The following MEI4 variants were observed in gnomAD, a reference collection of about 807,000 sequenced individuals.
MEI4 encodes meiosis-specific protein MEI4.
A neutral mutation model predicts 31.4 loss-of-function variants in MEI4; 27 were observed. The ratio of observed to expected loss-of-function variants is 0.86; its 90% CI spans 0.63 to 1.19. The LOEUF (loss-of-function observed/expected upper bound fraction) is 1.19. Ranked by LOEUF, MEI4 falls within the 50% of genes most tolerant of loss-of-function variation. MEI4 has a pLI of 0.00. For missense variants in MEI4, 329 were observed against 398.9 expected (o/e 0.82, Z 1.49); for synonymous variants, 122 against 145.4 (o/e 0.84, Z 1.16).
chr6:77,909,253 A>G (rs1257681153), intron 4 of MEI4, among the ~76,000 whole-genome samples: 1 of 152,178 alleles, frequency 6.6e-6, no homozygotes, highest in African/African-American at 2.4e-5. Flanking sequence ...CTTCAAAAAA[A>G]TCAGTGAATC....
At chr6:77,824,561 A>C (rs2127709788) in intron 3 of MEI4, among the ~76,000 whole-genome samples, 1 of 152,136 alleles carries the variant, frequency 6.6e-6, no homozygotes, top group South Asian at 2.1e-4. Flanking sequence ...ATTGTCTTAT[A>C]TTGATATTAT....
intron 1 of MEI4, among the ~76,000 whole-genome samples, chr6:77,677,719 A>G (rs1022474752): frequency 2.0e-5 from 3 of 152,182 alleles, no homozygotes; most frequent in African/African-American, 7.2e-5. Context: ...CCGTGAGCCT[A>G]TATATCTGTA....
chr6:77,799,718 C>T (rs376056931), intron 3 of MEI4, among the ~76,000 whole-genome samples: 7 of 152,132 alleles, frequency 4.6e-5, no homozygotes, highest in South Asian at 2.1e-4. Context: ...ATATGGCTAG[C>T]CAGTTTTCCC....
chr6:77,842,681 T>C (rs1441022659), intron 4 of MEI4, among the ~76,000 whole-genome samples: 2 of 152,080 alleles, frequency 1.3e-5, no homozygotes, highest in Non-Finnish European at 2.9e-5. Flanking sequence ...AGCATTCTTT[T>C]CCCACAGTAC....
Position 77,796,746 on chromosome 6 carries a change from TG to T in MEI4, c.769-32184del, listed in dbSNP as rs538767303. 5.4e-3 allele frequency among the ~76,000 whole-genome samples: 829 copies of T among 152,322 alleles called. 5 individuals carry two copies. The highest frequency in any genetic ancestry group is 0.019 in the African/African-American group (784 of 41,572). On this transcript the variant is annotated intron_variant, in intron 3 of 4. Transcript: ENST00000684080. ...CCCTAGTTTATGAATTGCAATAATT[TG>T]TATTGTCCATACCACCCAAAGTGAG...
chr6:77,766,648 G>A (rs145255577), intron 3 of MEI4, among the ~76,000 whole-genome samples: 2,180 of 152,112 alleles, frequency 0.014, 52 homozygotes, highest in African/African-American at 0.049. Flanking sequence ...TCCTGACCTC[G>A]TGATCCGCCC....
intron 2 of MEI4, among the ~76,000 whole-genome samples, chr6:77,743,033 A>G (rs532124082): frequency 2.6e-5 from 4 of 152,142 alleles, no homozygotes; most frequent in East Asian, 1.9e-4. Context: ...GCCTTATAGT[A>G]TAGTTTGAAG....
intron 4 of MEI4, among the ~76,000 whole-genome samples, chr6:77,873,219 A>G (rs1771243100): frequency 6.6e-6 from 1 of 152,208 alleles, no homozygotes; most frequent in South Asian, 2.1e-4. Context: ...AGTCCCACCA[A>G]CAGTGTAAAA....
At chr6:77,886,395 G>A (rs1476362766) in intron 4 of MEI4, among the ~76,000 whole-genome samples, 2 of 151,080 alleles carry the variant, frequency 1.3e-5, no homozygotes, top group East Asian at 1.9e-4. Flanking sequence ...GGTTGTACGT[G>A]TCCAAGAATT....
chr6:77,761,313 C>G lies in MEI4; in HGVS notation c.416C>G (p.Pro139Arg). ...HFPPLPLVKRPCAILQNPLSS... is the reference protein window; with the variant it reads ...HFPPLPLVKRRCAILQNPLSS... ...CCACCACTGCCTCTTGTGAAAAGAC[C>G]TTGTGCTATCCTGCAAAATCCTTTG... The change falls in exon 3 of 5, where the codon CCT (proline) becomes CGT (arginine). Residue 139 changes from proline to arginine, a missense_variant. By Grantham distance (103) the Pro-to-Arg change is moderately radical (BLOSUM62 -2). Coordinates refer to ENST00000684080, the MANE Select transcript of MEI4 (RefSeq NM_001322247.2). 2 of 1,232,578 alleles carry G rather than the reference C, an allele frequency of 1.6e-6. No individual in the cohort carries two copies. The highest frequency in any genetic ancestry group is 2.0e-6 in the Non-Finnish European group (2 of 988,056). The allele number at this position is 1,232,578 out of a possible 1,614,324, so 76.4% of individuals were successfully genotyped here. A position where few individuals can be genotyped will look rare whatever the true frequency, so the allele number is the denominator to read the frequency against.
chr6:77,729,776 C>T (rs1475198293), intron 2 of MEI4, among the ~76,000 whole-genome samples: 2 of 152,106 alleles, frequency 1.3e-5, no homozygotes, highest in African/African-American at 4.8e-5. Context: ...CACTGAATGT[C>T]TATGCTTAGG....
chr6:77,714,498 T>C (rs1766536446), intron 2 of MEI4, among the ~76,000 whole-genome samples: 1 of 152,224 alleles, frequency 6.6e-6, no homozygotes, highest in Admixed American at 6.5e-5. Flanking sequence ...AAAGATCTAA[T>C]TGGCATTTTA....
intron 4 of MEI4, among the ~76,000 whole-genome samples, chr6:77,908,953 A>G (rs935094486): frequency 1.3e-5 from 2 of 152,114 alleles, no homozygotes; most frequent in African/African-American, 4.8e-5. Context: ...AACGAGACAG[A>G]AAGTTAACAA....
At chr6:77,730,315 T>C (rs186028709) in intron 2 of MEI4, among the ~76,000 whole-genome samples, 160 of 152,292 alleles carry the variant, frequency 1.1e-3, no homozygotes, top group Non-Finnish European at 1.9e-3. Context: ...TTGTAGCAGA[T>C]TGTATCACCA....
intron 2 of MEI4, among the ~76,000 whole-genome samples, chr6:77,757,313 G>T (rs528988422): frequency 1.1e-4 from 16 of 152,304 alleles, no homozygotes; most frequent in Non-Finnish European, 2.2e-4. Flanking sequence ...TCTCTGTTGT[G>T]ACATTAAAGC....
intron 3 of MEI4, among the ~76,000 whole-genome samples, chr6:77,795,274 T>G (rs1437035188): frequency 2.6e-5 from 4 of 152,160 alleles, no homozygotes; most frequent in Non-Finnish European, 5.9e-5. Flanking sequence ...AATCTCTGAC[T>G]TCACTGTCAC....
chr6:77,686,608 A>G (rs1422676786), intron 1 of MEI4, among the ~76,000 whole-genome samples: 4 of 152,112 alleles, frequency 2.6e-5, no homozygotes, highest in Non-Finnish European at 4.4e-5. Context: ...TATATGATAT[A>G]TCACAATTTG....
rs570922550 is a variant in MEI4, at chr6:77,749,951, TG to T, written c.233-11174del. On this transcript the variant is annotated intron_variant, in intron 2 of 4. Transcript: ENST00000684080. ...AGAAATCCTACAAGCCAGAAGAGAG[TG>T]GGGGCCAATATTCAACATTCTTAAA... is the stretch of plus-strand genomic sequence containing the variant. Among the ~76,000 whole-genome samples the T allele has an allele frequency of 1.5e-4, 23 of 151,968 alleles. No individual in the cohort carries two copies. In the South Asian group the frequency reaches 3.1e-3, roughly 21 times the overall value.
intron 1 of MEI4, among the ~76,000 whole-genome samples, chr6:77,669,492 T>G (rs1403860828): frequency 6.6e-6 from 1 of 152,180 alleles, no homozygotes; most frequent in East Asian, 1.9e-4. Context: ...AGAAGCTGAC[T>G]TTTTAAGGGT....
Sources: allele counts gnomAD v4.1 joint callset (sites outside exome capture counted in the v4.1 genomes callset), GRCh38; gene constraint gnomAD v4.1.1; transcripts MANE v1.5; gene names NCBI Gene and HGNC (gene_info 2026-07-23, HGNC 2026-07-21).